The following TAFA2 variants were observed in gnomAD, a reference collection of about 807,000 sequenced individuals.
TAFA2 encodes the protein chemokine-like protein TAFA-2.
Under a neutral mutation model 18.8 loss-of-function variants are expected in TAFA2, and 7 were observed. The ratio of observed to expected loss-of-function variants is 0.37; its 90% CI spans 0.21 to 0.70. The LOEUF is 0.70. Ranked by LOEUF, TAFA2 falls within the 30% of genes least tolerant of loss-of-function variation. The probability of loss-of-function intolerance (pLI) is 0.53; values close to 1 mark genes in which losing one functional copy is unlikely to be tolerated. For synonymous variants in TAFA2, 60 were observed against 54.2 expected, an observed-to-expected ratio of 1.11 and a Z score of -0.47; for missense variants, 122 against 158.1, an observed-to-expected ratio of 0.77 and a Z score of 1.23.
At chr12:62,234,454 T>C (rs2062826315) in intron 1 of TAFA2, 1 of 935,396 alleles carries the variant, frequency 1.1e-6, no homozygotes, top group Non-Finnish European at 1.7e-6. Context: ...TCCTGGCCAA[T>C]GAGTCTTCTG....
chr12:61,908,916 T>G (rs1876483807), intron 1 of TAFA2, among the ~76,000 whole-genome samples: 1 of 152,186 alleles, frequency 6.6e-6, no homozygotes, highest in Non-Finnish European at 1.5e-5. Context: ...ATATCAGCTT[T>G]TCCCCAAAAT....
At chr12:62,143,295 G>A (rs534032255) in intron 1 of TAFA2, among the ~76,000 whole-genome samples, 32 of 152,314 alleles carry the variant, frequency 2.1e-4, no homozygotes, top group African/African-American at 7.7e-4. Flanking sequence ...CCCCATGGAT[G>A]AGTAGTCAAT....
intron 1 of TAFA2, among the ~76,000 whole-genome samples, chr12:62,163,896 G>C (rs1336934703): frequency 6.6e-6 from 1 of 152,042 alleles, no homozygotes; most frequent in East Asian, 1.9e-4. Context: ...TAAAAACACA[G>C]AGATTGGGAG....
Position 61,748,755 on chromosome 12 carries a change from T to C in TAFA2, c.384+4867A>G, listed in dbSNP as rs571583462. Among the ~76,000 whole-genome samples, 3 of 152,202 alleles carry C rather than the reference T, an allele frequency of 2.0e-5. No homozygotes were observed. The South Asian group carries it at 6.2e-4, about 32-fold the overall frequency. Reference sequence around the variant, plus strand: ...CTAATACTTATCTATCTTCTGAGATTTTCAGTTATTACTGTCATTTAAATG... The same window carrying C: ...CTAATACTTATCTATCTTCTGAGATCTTCAGTTATTACTGTCATTTAAATG... On this transcript the variant is annotated intron_variant, in intron 4 of 4. Transcript: ENST00000416284.
chr12:62,151,844 G>C (rs1040699968), intron 1 of TAFA2, among the ~76,000 whole-genome samples: 3 of 152,170 alleles, frequency 2.0e-5, no homozygotes, highest in Admixed American at 6.5e-5. Context: ...AGAATACTAA[G>C]AAGACTCAAG....
At chr12:62,054,641 CT>C (rs1882140431) in intron 1 of TAFA2, among the ~76,000 whole-genome samples, 1 of 152,186 alleles carries the variant, frequency 6.6e-6, no homozygotes, top group Non-Finnish European at 1.5e-5. Context: ...ATACTTAATG[CT>C]TTGTTCCATA....
intron 4 of TAFA2, chr12:61,720,737 T>C (rs1466716622): frequency 2.7e-6 from 1 of 370,142 alleles, no homozygotes; most frequent in Non-Finnish European, 5.3e-6. Flanking sequence ...GTTTTGAATC[T>C]TTACTTCTCA....
intron 3 of TAFA2, 115 bp downstream of exon 3, chr12:61,754,757 G>A (rs544193474): frequency 1.8e-5 from 18 of 996,714 alleles, no homozygotes; most frequent in Admixed American, 2.7e-5. Flanking sequence ...ACTTATCATG[G>A]TATTTGTAGT....
At chr12:62,028,088 A>G (rs900385824) in intron 1 of TAFA2, among the ~76,000 whole-genome samples, 6 of 152,148 alleles carry the variant, frequency 3.9e-5, no homozygotes, top group African/African-American at 7.2e-5. Flanking sequence ...GGGCCACATT[A>G]TGGTTAGAAG....
intron 1 of TAFA2, among the ~76,000 whole-genome samples, chr12:62,175,773 T>C (rs1263137726): frequency 1.3e-5 from 2 of 152,096 alleles, no homozygotes; most frequent in Non-Finnish European, 2.9e-5. Context: ...TACTTATTGA[T>C]AATTAAGGCG....
At chr12:62,113,161 G>A (rs999694841) in intron 1 of TAFA2, among the ~76,000 whole-genome samples, 2 of 152,220 alleles carry the variant, frequency 1.3e-5, no homozygotes, top group Admixed American at 1.3e-4. Context: ...TTCGGATCGG[G>A]TGTTTGTGTG....
intron 1 of TAFA2, among the ~76,000 whole-genome samples, chr12:62,174,869 C>T (rs1025036917): frequency 6.6e-6 from 1 of 152,126 alleles, no homozygotes; most frequent in Non-Finnish European, 1.5e-5. Context: ...TCTAATATAG[C>T]ACTTATCATA....
chr12:61,990,533 G>T (rs2136688097), intron 1 of TAFA2, among the ~76,000 whole-genome samples: 2 of 151,892 alleles, frequency 1.3e-5, no homozygotes, highest in Admixed American at 1.3e-4. Flanking sequence ...TAGAGACGGG[G>T]TTTCACCATG....
At chr12:61,943,819 C>T (rs1311993704) in intron 1 of TAFA2, among the ~76,000 whole-genome samples, 1 of 116,554 alleles carries the variant, frequency 8.6e-6, no homozygotes, top group Non-Finnish European at 1.7e-5. Context: ...CCTGAGTGAC[C>T]TACAAAGAGA....
At chr12:62,100,081 C>T (rs1188300938) in intron 1 of TAFA2, among the ~76,000 whole-genome samples, 1 of 150,226 alleles carries the variant, frequency 6.7e-6, no homozygotes, top group Non-Finnish European at 1.5e-5. Flanking sequence ...TTGATTATTC[C>T]ACTTCCTGTC....
rs1202246471 is a variant in TAFA2, at chr12:61,815,443, G to A, written c.106+51877C>T. On this transcript the variant is annotated intron_variant, in intron 2 of 4. Transcript: ENST00000416284. ...GCACTTTGGGAGGCCGAGCTGGGCG[G>A]ATCACGAGGTCAGGTGATCGAGACC... Among the ~76,000 whole-genome samples the A allele has an allele frequency of 6.0e-5, 9 of 151,248 alleles. 1 individual carries two copies. Among genetic ancestry groups the A allele is most frequent in the African/African-American group, 2.2e-4 (9 of 40,584 alleles).
In TAFA2 at chr12:62,190,057, A is replaced by G. The variant is rs144903644; in HGVS notation, c.-2+1202T>C. ...GGGGATTTCATACTCACAAAAAGAT[A>G]ATTTTTTCCCTCTCTCTCTCTTATT... is the stretch of plus-strand genomic sequence containing the variant. On this transcript the variant is annotated intron_variant, in intron 1 of 4. Transcript: ENST00000416284. Among the ~76,000 whole-genome samples the G allele has an allele frequency of 5.1e-4, 78 of 151,876 alleles. No individual in the cohort carries two copies. The East Asian group carries it at 0.011, about 21-fold the overall frequency.
rs1441276536 is a variant in TAFA2, at chr12:61,944,923, G to C, written c.-1-77497C>G. 2.1e-3 allele frequency among the ~76,000 whole-genome samples: 282 copies of C among 133,828 alleles called. 3 individuals carry two copies. Among genetic ancestry groups the C allele is most frequent in the African/African-American group, 7.9e-3 (271 of 34,264 alleles). 87.8% of individuals were successfully genotyped at this position (133,828 alleles called of 152,430 possible). Reference sequence around the variant, plus strand: ...CCTTCTGAAACTATTCCAATCAATAGAAAAAGAGGGAATCCTCCCTAACTC... The same window carrying C: ...CCTTCTGAAACTATTCCAATCAATACAAAAAGAGGGAATCCTCCCTAACTC... On this transcript the variant is annotated intron_variant, in intron 1 of 4. Transcript: ENST00000416284.
At chr12:61,817,982 G>C (rs1267735889) in intron 2 of TAFA2, among the ~76,000 whole-genome samples, 1 of 151,930 alleles carries the variant, frequency 6.6e-6, no homozygotes, top group African/African-American at 2.4e-5. Flanking sequence ...AACACCCAAG[G>C]CTGCCAACTA....
Sources: allele counts gnomAD v4.1 joint callset (sites outside exome capture counted in the v4.1 genomes callset), GRCh38; gene constraint gnomAD v4.1.1; transcripts MANE v1.5; gene names NCBI Gene and HGNC (gene_info 2026-07-23, HGNC 2026-07-21).